The following NUP37 variants were observed in gnomAD, a reference collection of about 807,000 sequenced individuals.
The protein encoded by NUP37 is nucleoporin Nup37.
In NUP37, 33 loss-of-function variants were observed where a neutral mutation model predicts 45.4. The observed-to-expected ratio is 0.73, with a 90% CI of 0.55 to 0.97. The LOEUF is 0.97. NUP37 is among the 50% of genes least tolerant of loss of function. The pLI, the probability that NUP37 is intolerant of heterozygous loss-of-function variation, is 0.00. For synonymous variants in NUP37, 127 were observed against 130.7 expected (o/e 0.97, Z 0.19); for missense variants, 365 against 389.7 (o/e 0.94, Z 0.53).
chr12:102,081,633 T>C (rs1370105489), intron 6 of NUP37, among the ~76,000 whole-genome samples: 4 of 152,210 alleles, frequency 2.6e-5, no homozygotes, highest in Non-Finnish European at 4.4e-5. Context: ...TAAGTGAGAA[T>C]ACATGTCAAG....
At chr12:102,076,981 A>G (rs1224223003) in intron 7 of NUP37, 134 bp from the exon 8 acceptor site, 5 of 672,940 alleles carry the variant, frequency 7.4e-6, no homozygotes, top group Non-Finnish European at 1.3e-5. Flanking sequence ...CTAAACAAGC[A>G]ATCAGTTAAA....
chr12:102,090,865 A>T (rs1879630183), intron 5 of NUP37, among the ~76,000 whole-genome samples: 1 of 152,206 alleles, frequency 6.6e-6, no homozygotes, highest in Non-Finnish European at 1.5e-5. Flanking sequence ...ATATTAAAAT[A>T]AGGCAGGTAG....
intron 5 of NUP37, among the ~76,000 whole-genome samples, chr12:102,096,671 T>C (rs1333118891): frequency 6.6e-6 from 1 of 152,210 alleles, no homozygotes; most frequent in East Asian, 1.9e-4. Context: ...TTGTCACATA[T>C]GTGATAATGT....
At chr12:102,112,624 T>C (rs1033924133) in intron 2 of NUP37, among the ~76,000 whole-genome samples, 1 of 152,130 alleles carries the variant, frequency 6.6e-6, no homozygotes, top group Non-Finnish European at 1.5e-5. Flanking sequence ...CAGTGAGACC[T>C]GTGTCTACGT....
chr12:102,084,161 G>T (rs929459193), intron 6 of NUP37, among the ~76,000 whole-genome samples: 1 of 152,068 alleles, frequency 6.6e-6, no homozygotes, highest in African/African-American at 2.4e-5. Context: ...ATTTCTCTGC[G>T]CCTTGGTTTC....
intron 6 of NUP37, among the ~76,000 whole-genome samples, chr12:102,084,368 C>T (rs963067255): frequency 6.6e-6 from 1 of 152,048 alleles, no homozygotes; most frequent in Non-Finnish European, 1.5e-5. Flanking sequence ...TGGAGATGGC[C>T]GGTACGGTGG....
chr12:102,076,652 T>C (rs558596546), intron 8 of NUP37, 145 bp downstream of exon 8: 4 of 612,562 alleles, frequency 6.5e-6, no homozygotes, highest in Admixed American at 6.1e-5. Context: ...GGCAATGACT[T>C]AGTCGGGAAA....
At chr12:102,081,651 T>C (rs1483720685) in intron 6 of NUP37, among the ~76,000 whole-genome samples, 3 of 152,316 alleles carry the variant, frequency 2.0e-5, no homozygotes, top group East Asian at 3.9e-4. Flanking sequence ...AAGTACTTAG[T>C]ACAGTCCCTG....
rs1880726238 is a variant in NUP37 at position 102,120,043 on chromosome 12, T to C, written c.-66+7A>G. 6.5e-6 allele frequency: 1 copy of C among 153,942 alleles called. No individual in the cohort carries two copies. The highest frequency in any genetic ancestry group is 1.4e-5 in the Non-Finnish European group (1 of 69,002). The allele number at this position is 153,942 out of a possible 1,614,324, so 9.5% of individuals were successfully genotyped here. A position where few individuals can be genotyped will look rare whatever the true frequency, so the allele number is the denominator to read the frequency against. On this transcript the variant is annotated splice_region_variant and intron_variant, in intron 1 of 9. Coordinates refer to ENST00000552283, the MANE Select transcript of NUP37 (RefSeq NM_024057.4). The stretch of plus-strand genomic sequence containing the variant: ...CCGGCCTCTCGGGCTCCCAGCTCGA[T>C]ACGCACCGCAGAGCGCCAGGAACCG...
intron 2 of NUP37, among the ~76,000 whole-genome samples, chr12:102,114,857 T>C (rs920738491): frequency 3.3e-5 from 5 of 152,200 alleles, no homozygotes; most frequent in Admixed American, 6.5e-5. Flanking sequence ...CTCTAATTAT[T>C]AGAAGAGTTC....
chr12:102,118,432 A>G lies in NUP37; in HGVS notation c.87T>C (p.Asn29=). Residue 29 remains asparagine, a synonymous_variant, in exon 2 of 10, where the codon AAT becomes AAC. Coordinates refer to ENST00000552283, the MANE Select transcript of NUP37 (RefSeq NM_024057.4). ...ATGCAATTAGGTTTCCTGAATCCCC[A>G]TTCTCAAAGGGATTAAATTCTACCA... ...VHVVEFNPFE[N]GDSGNLIAYG... is the part of the protein sequence containing the mutation. 1 of 1,613,908 alleles carries G rather than the reference A, an allele frequency of 6.2e-7. No individual in the cohort carries two copies. Among genetic ancestry groups the G allele is most frequent in the Non-Finnish European group, 8.5e-7 (1 of 1,179,864 alleles).
chr12:102,093,296 G>A (rs1391342224), intron 5 of NUP37, among the ~76,000 whole-genome samples: 1 of 151,956 alleles, frequency 6.6e-6, no homozygotes, highest in Non-Finnish European at 1.5e-5. Context: ...GTATGCTGTT[G>A]CTTCATTTTG....
intron 2 of NUP37, among the ~76,000 whole-genome samples, chr12:102,118,074 T>C (rs766304869): frequency 6.6e-6 from 1 of 152,216 alleles, no homozygotes; most frequent in African/African-American, 2.4e-5. Flanking sequence ...ATATTGTTTT[T>C]TTCCTGTACA....
At chr12:102,079,297 T>C in intron 6 of NUP37, 1 of 454,058 alleles carries the variant, frequency 2.2e-6, no homozygotes. Flanking sequence ...GAACGTACTT[T>C]TGTACTTTCC....
chr12:102,075,538 A>T (rs1470633077), intron 8 of NUP37, among the ~76,000 whole-genome samples: 2 of 152,190 alleles, frequency 1.3e-5, no homozygotes, highest in Non-Finnish European at 2.9e-5. Flanking sequence ...AAATTTGTTA[A>T]TATGTCTTTA....
At chr12:102,107,891 T>C (rs1218594341) in intron 3 of NUP37, among the ~76,000 whole-genome samples, 3 of 152,214 alleles carry the variant, frequency 2.0e-5, no homozygotes, top group Admixed American at 6.5e-5. Context: ...ATGAAACTGA[T>C]AGCCTTTAAG....
intron 6 of NUP37, among the ~76,000 whole-genome samples, chr12:102,080,308 G>A (rs2136714380): frequency 6.6e-6 from 1 of 152,322 alleles, no homozygotes; most frequent in African/African-American, 2.4e-5. Flanking sequence ...TGTAGTCCCA[G>A]ATACTCAGGA....
chr12:102,116,687 T>G (rs756144999), intron 2 of NUP37, among the ~76,000 whole-genome samples: 42 of 152,240 alleles, frequency 2.8e-4, no homozygotes, highest in Non-Finnish European at 1.8e-4. Flanking sequence ...CCAAATTGCA[T>G]TTTTGATGTC....
chr12:102,080,676 T>G (rs1428592513), intron 6 of NUP37, among the ~76,000 whole-genome samples: 6 of 152,194 alleles, frequency 3.9e-5, no homozygotes, highest in African/African-American at 1.4e-4. Context: ...GTACAAGGTA[T>G]CAACCCTAGC....
Sources: gnomAD v4.1 joint callset for allele counts (sites outside exome capture counted in the v4.1 genomes callset) on GRCh38, gnomAD v4.1.1 for gene constraint, MANE v1.5 for transcripts, NCBI Gene and HGNC (gene_info 2026-07-23, HGNC 2026-07-21) for gene names.